Variants in RICTOR observed in about 807,000 individuals in gnomAD.
RICTOR encodes the protein RPTOR independent companion of MTOR complex 2.
A neutral mutation model predicts 214.9 loss-of-function variants in RICTOR; 49 were observed. The observed-to-expected ratio is 0.23, with a 90% CI of 0.18 to 0.29. RICTOR has a LOEUF of 0.29. Among genes scored for constraint, RICTOR ranks in the 10% least tolerant of loss-of-function variants. The probability of loss-of-function intolerance (pLI) is 1.00; values close to 1 mark genes in which losing one functional copy is unlikely to be tolerated. For synonymous variants in RICTOR, 717 were observed against 711.3 expected, an observed-to-expected ratio of 1.01 and a Z score of -0.13; for missense variants, 1,625 against 2,047.0, an observed-to-expected ratio of 0.79 and a Z score of 3.98.
chr5:39,044,304 T>C (rs1757346723), intron 2 of RICTOR, among the ~76,000 whole-genome samples: 2 of 152,158 alleles, frequency 1.3e-5, no homozygotes, highest in African/African-American at 4.8e-5. Flanking sequence ...AATTTTGTTA[T>C]TTTGCCAGAT....
rs1384809323 is a variant in RICTOR at position 38,939,251 on chromosome 5, G to A, written c.*3053C>T. ...GCTGAACACTTGGCCGTTGTGATATGCCCTGAAAAACTCAGCTTGAATTAT... is the reference window on the plus strand; with the variant it reads ...GCTGAACACTTGGCCGTTGTGATATACCCTGAAAAACTCAGCTTGAATTAT... On this transcript the variant is annotated 3_prime_UTR_variant, in exon 38 of 38. Coordinates refer to ENST00000357387, the MANE Select transcript of RICTOR (RefSeq NM_152756.5). 4 of 232,576 alleles carry A rather than the reference G, an allele frequency of 1.7e-5. No homozygotes were observed. 14.4% of individuals were successfully genotyped at this position (232,576 alleles called of 1,614,324 possible).
rs946588445 is a variant in RICTOR at position 39,056,954 on chromosome 5, A to T, written c.97+17157T>A. ...GGTAGCCAGGGACTAGATTACAATG[A>T]CAGTATTGCATATAGTGGCAATTTA... On this transcript the variant is annotated intron_variant, in intron 2 of 37. Transcript: ENST00000357387. Among the ~76,000 whole-genome samples, 9 of 152,322 alleles carry T rather than the reference A, an allele frequency of 5.9e-5. No individual in the cohort carries two copies. In the East Asian group the frequency reaches 1.7e-3, roughly 29 times the overall value.
chr5:39,044,496 T>C (rs1196952805), intron 2 of RICTOR, among the ~76,000 whole-genome samples: 1 of 152,046 alleles, frequency 6.6e-6, no homozygotes, highest in Non-Finnish European at 1.5e-5. Context: ...AGTTATAATA[T>C]GGACATACAC....
At chr5:39,027,839 A>G (rs1755953083) in intron 2 of RICTOR, among the ~76,000 whole-genome samples, 1 of 152,200 alleles carries the variant, frequency 6.6e-6, no homozygotes, top group Non-Finnish European at 1.5e-5. Flanking sequence ...TCTGCTCATC[A>G]AAAGACTATT....
chr5:38,946,619 A>G, intron 32 of RICTOR, 67 bp from the exon 33 acceptor site: 1 of 906,794 alleles, frequency 1.1e-6, no homozygotes, highest in South Asian at 1.4e-5. Context: ...AAAATTAGCA[A>G]AATTAAACAA....
At chr5:39,002,956 T>G (rs568695217) in intron 4 of RICTOR, among the ~76,000 whole-genome samples, 3 of 152,114 alleles carry the variant, frequency 2.0e-5, no homozygotes, top group Non-Finnish European at 4.4e-5. Flanking sequence ...GAAACAGCCT[T>G]TGTTTTATAT....
chr5:39,029,718 T>C (rs1044243002), intron 2 of RICTOR, among the ~76,000 whole-genome samples: 1 of 152,218 alleles, frequency 6.6e-6, no homozygotes, highest in African/African-American at 2.4e-5. Context: ...CTTAACTTTA[T>C]GAGCATCCAT....
chr5:39,032,543 C>A (rs933491152), intron 2 of RICTOR, among the ~76,000 whole-genome samples: 1 of 152,024 alleles, frequency 6.6e-6, no homozygotes, highest in African/African-American at 2.4e-5. Context: ...AAGTAAAAAC[C>A]TGAACAAACT....
At chr5:39,035,656 C>T (rs1264441123) in intron 2 of RICTOR, among the ~76,000 whole-genome samples, 11 of 152,180 alleles carry the variant, frequency 7.2e-5, no homozygotes, top group East Asian at 1.9e-4. Context: ...AACCACGGCA[C>T]GAGAACGTGA....
At chr5:38,964,966 A>G (rs1750099531) in intron 15 of RICTOR, 74 bp from the exon 16 acceptor site, 4 of 826,242 alleles carry the variant, frequency 4.8e-6, no homozygotes, top group East Asian at 5.3e-5. Flanking sequence ...ACCTGCACAT[A>G]TAATGCTGTA....
At position 38,945,031 on chromosome 5, in the gene RICTOR, C is replaced by T; in HGVS notation, c.4671G>A (p.Gln1557=). The T allele has an allele frequency of 1.2e-6, 2 of 1,609,640 alleles. 1 individual carries two copies. The part of the protein sequence containing the change: ...QDIPYSDWCE[Q]TIHNPLEVVP... ...CCACTTCTAAAGGATTATGGATAGT[C>T]TGCTCACACCAATCAGAATATGGAA... Residue 1557 remains glutamine, a synonymous_variant, in exon 35 of 38, where the codon CAG becomes CAA. Coordinates refer to ENST00000357387, the MANE Select transcript of RICTOR (RefSeq NM_152756.5).
At chr5:39,043,694 T>C (rs1326992014) in intron 2 of RICTOR, among the ~76,000 whole-genome samples, 2 of 152,134 alleles carry the variant, frequency 1.3e-5, no homozygotes, top group Admixed American at 6.6e-5. Context: ...CTTGTTGAAA[T>C]TTCATCCCCA....
rs754135128 is a variant in RICTOR, at chr5:38,950,724, T to A, written c.3128-4A>T. The A allele has an allele frequency of 2.6e-6, 4 of 1,551,876 alleles. No homozygotes were observed. The Middle Eastern group carries it at 5.2e-4, about 202-fold the overall frequency. ...TCATCCTCCAATATGAACATACCTA[T>A]GATTGAAGGATCAATTAATAAAAAC... On this transcript the variant is annotated splice_polypyrimidine_tract_variant and splice_region_variant and intron_variant, in intron 30 of 37. Coordinates refer to ENST00000357387, the MANE Select transcript of RICTOR (RefSeq NM_152756.5).
intron 7 of RICTOR, among the ~76,000 whole-genome samples, chr5:38,987,053 C>G (rs1267661179): frequency 2.0e-5 from 3 of 152,148 alleles, no homozygotes; most frequent in African/African-American, 7.2e-5. Context: ...CTGAACTAGC[C>G]TTGCATCCCA....
In RICTOR at chr5:38,967,991, G is replaced by A. The variant is rs1020349804; in HGVS notation, c.1012C>T (p.Pro338Ser). ...LEVLYDIFRL[P>S]LPVVTEEFIE... ...AACTCCTCAGTCACAACAGGTAGAG[G>A]AAGACGAAATATATCATAAAGCACT... The change falls in exon 12 of 38, where the codon CCT becomes TCT. Residue 338 changes from proline to serine, a missense_variant. Physicochemically the swap from Pro to Ser is moderately conservative, Grantham distance 74. Transcript: ENST00000357387. The A allele has an allele frequency of 1.9e-6, 3 of 1,607,596 alleles. No individual in the cohort carries two copies. Among genetic ancestry groups the A allele is most frequent in the African/African-American group, 1.3e-5 (1 of 74,806 alleles).
intron 6 of RICTOR, among the ~76,000 whole-genome samples, chr5:38,993,474 G>A (rs1420171211): frequency 1.3e-5 from 2 of 151,542 alleles, no homozygotes; most frequent in Non-Finnish European, 2.9e-5. Flanking sequence ...AGAGAAGGGG[G>A]AAATCAGAGA....
chr5:38,949,298 T>C, intron 31 of RICTOR: 1 of 1,122,710 alleles, frequency 8.9e-7, no homozygotes, highest in Non-Finnish European at 1.3e-6. Context: ...GAAATTTTCA[T>C]TTATCTTTTT....
intron 7 of RICTOR, among the ~76,000 whole-genome samples, chr5:38,989,922 C>T (rs1752458274): frequency 6.6e-6 from 1 of 152,120 alleles, no homozygotes; most frequent in Admixed American, 6.5e-5. Context: ...TTAGTTCAAC[C>T]ATTGTGGAAG....
chr5:39,072,458 C>T (rs1231031318), intron 2 of RICTOR, among the ~76,000 whole-genome samples: 1 of 152,164 alleles, frequency 6.6e-6, no homozygotes, highest in Admixed American at 6.5e-5. Flanking sequence ...CTATATATTT[C>T]CAGCACCACA....
Sources: gnomAD v4.1 joint callset for allele counts (sites outside exome capture counted in the v4.1 genomes callset) on GRCh38, gnomAD v4.1.1 for gene constraint, MANE v1.5 for transcripts, NCBI Gene and HGNC (gene_info 2026-07-23, HGNC 2026-07-21) for gene names.